The following NLRP4 variants were observed in gnomAD, a reference collection of about 807,000 sequenced individuals.
The protein encoded by NLRP4 is NLR family pyrin domain containing 4.
In NLRP4, 44 loss-of-function variants were observed where a neutral mutation model predicts 84.7. That is an observed-to-expected ratio of 0.52 (90% confidence interval 0.41 to 0.67). The LOEUF is 0.67. NLRP4 is among the 30% of genes least tolerant of loss of function. The probability of loss-of-function intolerance (pLI) is 0.00; values close to 1 mark genes in which losing one functional copy is unlikely to be tolerated. For missense variants in NLRP4, 1,260 were observed against 1,219.4 expected (o/e 1.03, Z -0.50); for synonymous variants, 544 against 476.4 (o/e 1.14, Z -1.85).
intron 2 of NLRP4, among the ~76,000 whole-genome samples, chr19:55,853,665 C>T (rs1984258767): frequency 6.6e-6 from 1 of 152,190 alleles, no homozygotes; most frequent in South Asian, 2.1e-4. Context: ...CTGCCTTGGC[C>T]TCCCAAAGTG....
At chr19:55,839,469 G>A (rs1363064443) in intron 1 of NLRP4, among the ~76,000 whole-genome samples, 1 of 129,782 alleles carries the variant, frequency 7.7e-6, no homozygotes, top group Non-Finnish European at 1.6e-5. Context: ...GTCTTCTGTG[G>A]GGGAAGAGTT....
In NLRP4 at chr19:55,858,553, G is replaced by A. The variant is rs763637648; in HGVS notation, c.1160G>A (p.Gly387Asp). 19 of 1,613,982 alleles carry A rather than the reference G, an allele frequency of 1.2e-5. No individual in the cohort carries two copies. In the East Asian group the frequency reaches 2.2e-4, roughly 19 times the overall value. ...CTGTTCACACCTGAGGGTGCCGAGGGCCCGACTCCGCAAACCCAGCACCAG... is the reference window on the plus strand; with the variant it reads ...CTGTTCACACCTGAGGGTGCCGAGGACCCGACTCCGCAAACCCAGCACCAG... ...FNLFTPEGAE[G>D]PTPQTQHQLK... Residue 387 changes from glycine to aspartate, a missense_variant, in exon 3 of 10, where the codon GGC becomes GAC. Physicochemically the swap from Gly to Asp is moderately conservative, Grantham distance 94 (BLOSUM62 -1). Transcript: ENST00000301295. The surrounding 1 kb of genome is among the most constrained non-coding windows in gnomAD (Gnocchi z 4.2).
chr19:55,857,827 G>T lies in NLRP4; in HGVS notation c.434G>T (p.Gly145Val). ...LDRLFAPKEA[G>V]KQPRTVIIQG... is the part of the protein sequence containing the mutation. ...CGCCTTTTTGCTCCCAAGGAAGCTG[G>T]GAAACAGCCACGTACAGTGATCATT... Residue 145 changes from glycine (G) to valine (V), a missense_variant, in exon 3 of 10, where the codon GGG becomes GTG. Physicochemically the swap from Gly to Val is moderately radical, Grantham distance 109. Transcript: ENST00000301295. 3 of 1,614,042 alleles carry T rather than the reference G, an allele frequency of 1.9e-6. No homozygotes were observed. The highest frequency in any genetic ancestry group is 2.5e-6 in the Non-Finnish European group (3 of 1,179,976).
rs1985586592 is a variant in NLRP4, at chr19:55,881,467, C to T, written c.2868-3C>T. 2 of 1,470,946 alleles carry T rather than the reference C, an allele frequency of 1.4e-6. No individual in the cohort carries two copies. The highest frequency in any genetic ancestry group is 1.4e-5 in the African/African-American group (1 of 71,478). The allele number at this position is 1,470,946 out of a possible 1,614,324, so 91.1% of individuals were successfully genotyped here. A position where few individuals can be genotyped will look rare whatever the true frequency, so the allele number is the denominator to read the frequency against. ...AATAGAACCTCTTAAAATATTTTAC[C>T]AGGCTGAGAAAAACTGATTTTGATG... On this transcript the variant is annotated splice_polypyrimidine_tract_variant and splice_region_variant and intron_variant, in intron 9 of 9. Transcript: ENST00000301295.
At chr19:55,866,274 C>T (rs905770220) in intron 5 of NLRP4, among the ~76,000 whole-genome samples, 5 of 152,144 alleles carry the variant, frequency 3.3e-5, no homozygotes, top group African/African-American at 9.7e-5. Context: ...CCTCATGTTC[C>T]GCCCTCCTTG....
In NLRP4 at chr19:55,858,605, A is replaced by T. The variant is rs775316076; in HGVS notation, c.1212A>T (p.Ala404=). The stretch of plus-strand genomic sequence containing the variant: ...TGAAGGCCCTGTGCTCCCTGGCTGC[A>T]GAGGGTATGTGGACAGACACATTTG... The part of the protein sequence containing the change: ...HQLKALCSLA[A]EGMWTDTFEF... Residue 404 remains alanine, a synonymous_variant, in exon 3 of 10, where the codon GCA becomes GCT. Transcript: ENST00000301295. This position sits in a 1 kb window ranked among gnomAD's most constrained non-coding sequence, Gnocchi z 4.2. The T allele has an allele frequency of 8.1e-6, 13 of 1,614,074 alleles. No homozygotes were observed. In the Admixed American group the frequency reaches 2.2e-4, roughly 27 times the overall value.
chr19:55,840,909 G>A (rs755480660), intron 1 of NLRP4, among the ~76,000 whole-genome samples: 55 of 152,144 alleles, frequency 3.6e-4, no homozygotes, highest in African/African-American at 1.1e-3. Context: ...AATTCAAGTC[G>A]TGCAATAAAT....
rs1984000198 is a variant in NLRP4 at position 55,850,062 on chromosome 19, G to GT, written c.-65-1954_-65-1953insT. On this transcript the variant is annotated intron_variant, in intron 1 of 9. Coordinates refer to ENST00000301295, the MANE Select transcript of NLRP4 (RefSeq NM_134444.5). ...GCGGTGTGATTTCCGTAGCTGCGGTGGAATTTCCGAGACTGCGGTGTAATT... is the reference window on the plus strand; with the variant it reads ...GCGGTGTGATTTCCGTAGCTGCGGTGTGAATTTCCGAGACTGCGGTGTAATT... 2.3e-4 allele frequency among the ~76,000 whole-genome samples: 33 copies of GT among 146,442 alleles called. 10 individuals carry two copies. The highest frequency in any genetic ancestry group is 6.0e-4 in the African/African-American group (23 of 38,366).
intron 3 of NLRP4, among the ~76,000 whole-genome samples, chr19:55,860,628 C>T (rs1472031213): frequency 6.6e-6 from 1 of 152,008 alleles, no homozygotes; most frequent in African/African-American, 2.4e-5. Flanking sequence ...TATCCTGTTA[C>T]AGGTGAGGAA....
At chr19:55,863,090 T>C (rs1984825073) in intron 5 of NLRP4, among the ~76,000 whole-genome samples, 1 of 152,136 alleles carries the variant, frequency 6.6e-6, no homozygotes, top group Non-Finnish European at 1.5e-5. Context: ...CCACTGACAG[T>C]AAGTTGGATA....
chr19:55,841,355 A>T (rs903381361), intron 1 of NLRP4, among the ~76,000 whole-genome samples: 4 of 152,162 alleles, frequency 2.6e-5, no homozygotes, highest in African/African-American at 9.7e-5. Context: ...ATCTTTTTAG[A>T]TTCCCCATAT....
chr19:55,859,943 A>C lies in NLRP4; in HGVS notation c.1856+694A>C, dbSNP rs1252709035. 8.6e-4 allele frequency among the ~76,000 whole-genome samples: 108 copies of C among 125,722 alleles called. 2 individuals are homozygous for C. Among genetic ancestry groups the C allele is most frequent in the African/African-American group, 2.7e-3 (102 of 37,754 alleles). The allele number at this position is 125,722 out of a possible 152,430, so 82.5% of individuals were successfully genotyped here. A position where few individuals can be genotyped will look rare whatever the true frequency, so the allele number is the denominator to read the frequency against. On this transcript the variant is annotated intron_variant, in intron 3 of 9. Coordinates refer to ENST00000301295, the MANE Select transcript of NLRP4 (RefSeq NM_134444.5). The stretch of plus-strand genomic sequence containing the variant: ...CTCATCTCCAAAAAAAAAAAAAAAA[A>C]AAAAAAAAACAAAACACAAATCATA...
chr19:55,859,852 G>A (rs1331424240), intron 3 of NLRP4, among the ~76,000 whole-genome samples: 9 of 143,856 alleles, frequency 6.3e-5, no homozygotes, highest in African/African-American at 7.8e-5. Flanking sequence ...ACTTGAGCCC[G>A]GGAGGCAGAG....
intron 7 of NLRP4, among the ~76,000 whole-genome samples, chr19:55,873,349 AGAG>A (rs1985260250): frequency 1.3e-5 from 2 of 152,334 alleles, no homozygotes; most frequent in African/African-American, 4.8e-5. Context: ...TTAGCAGAAA[AGAG>A]GAGACAGAAT....
At position 55,852,061 on chromosome 19, in the gene NLRP4, G is replaced by A. The variant is rs369724319; in HGVS notation, c.-20G>A. 3 of 1,573,024 alleles carry A rather than the reference G, an allele frequency of 1.9e-6. No individual in the cohort carries two copies. The highest frequency in any genetic ancestry group is 2.6e-6 in the Non-Finnish European group (3 of 1,162,814). On this transcript the variant is annotated 5_prime_UTR_variant, in exon 2 of 10. It introduces an in-frame stop codon into an upstream open reading frame of the 5' UTR. Transcript: ENST00000301295. The stretch of plus-strand genomic sequence containing the variant: ...CTGGTCACTGTCTCTTTGAGGATTG[G>A]TATCTCTGCTCCAGAAAAGATGGCA...
intron 9 of NLRP4, among the ~76,000 whole-genome samples, chr19:55,881,136 C>CGTGTGTGTGTGTGTGTGTGTGTGTGTGT (rs56806641): frequency 4.3e-4 from 60 of 139,578 alleles, no homozygotes; most frequent in Admixed American, 8.2e-4. Context: ...GTGAGAGCCA[C>CGTGTGTGTGTGTGTGTGTGTGTGTGTGT]GTGTGTGTGT....
chr19:55,857,581 C>A, intron 2 of NLRP4, 93 bp from the exon 3 acceptor site: 4 of 1,225,466 alleles, frequency 3.3e-6, no homozygotes, highest in Non-Finnish European at 4.6e-6. Flanking sequence ...GTGTGTAGAC[C>A]CCTGGAAAGA....
In NLRP4 at chr19:55,870,891, A is replaced by G; in HGVS notation, c.2419A>G (p.Lys807Glu). ...EYISEMLLRN[K>E]SVRYLDLSAN... Reference sequence around the variant, plus strand: ...CATCTCTGAAATGCTTCTGCGTAACAAGAGCGTGCGCTATCTAGACCTCAG... The same window carrying G: ...CATCTCTGAAATGCTTCTGCGTAACGAGAGCGTGCGCTATCTAGACCTCAG... Residue 807 changes from lysine to glutamate, a missense_variant, in exon 7 of 10, where the codon AAG (lysine) becomes GAG (glutamate). Physicochemically the swap from Lys to Glu is moderately conservative, Grantham distance 56. This residue lies in a region of NLRP4 where 544 missense variants were observed against 531.7 expected (regional missense o/e 1.02). Transcript: ENST00000301295. The G allele has an allele frequency of 6.2e-7, 1 of 1,614,120 alleles. No individual in the cohort carries two copies. Among genetic ancestry groups the G allele is most frequent in the Non-Finnish European group, 8.5e-7 (1 of 1,179,940 alleles).
intron 5 of NLRP4, among the ~76,000 whole-genome samples, chr19:55,863,517 G>A (rs189314962): frequency 2.6e-5 from 4 of 152,186 alleles, no homozygotes; most frequent in Non-Finnish European, 2.9e-5. Flanking sequence ...ACCAGGTCGC[G>A]TGAGGACTCT....
Sources: gnomAD v4.1 joint callset for allele counts (sites outside exome capture counted in the v4.1 genomes callset) on GRCh38, gnomAD v4.1.1 for gene constraint, gnomAD v4.1.1 regional missense constraint, Gnocchi (gnomAD v3.1) non-coding constraint, MANE v1.5 for transcripts, NCBI Gene and HGNC (gene_info 2026-07-23, HGNC 2026-07-21) for gene names.